PIAS3: variants seen among roughly 807,000 people sequenced by gnomAD.
The protein encoded by PIAS3 is E3 SUMO-protein ligase PIAS3.
Under a neutral mutation model 67.6 loss-of-function variants are expected in PIAS3, and 34 were observed. The ratio of observed to expected loss-of-function variants is 0.50; its 90% CI spans 0.38 to 0.67. The LOEUF is 0.67. Among genes scored for constraint, PIAS3 ranks in the 30% least tolerant of loss-of-function variants. PIAS3 has a pLI of 0.00. For synonymous variants in PIAS3, 341 were observed against 313.8 expected, an observed-to-expected ratio of 1.09 and a Z score of -0.92; for missense variants, 693 against 791.6, an observed-to-expected ratio of 0.88 and a Z score of 1.49.
chr1:145,853,652 G>A lies in PIAS3; in HGVS notation c.997C>T (p.Arg333Cys), dbSNP rs782740373. ...VSLMCPLGKM[R>C]LTVPCRALTC... ...AGGGCACGACAAGGGACAGTCAGGC[G>A]CATCTTCCCTAGCTGAGGAGAAGCA... The change falls in exon 9 of 14, where the codon CGC (arginine) becomes TGC (cysteine). Residue 333 changes from arginine to cysteine, a missense_variant. Around this residue, in one of 3 missense-constraint regions of PIAS3, gnomAD observed 115 missense variants for 181.8 expected, o/e 0.63. Coordinates refer to ENST00000393045, the MANE Select transcript of PIAS3 (RefSeq NM_006099.3). The A allele has an allele frequency of 6.8e-6, 11 of 1,613,688 alleles. No individual in the cohort carries two copies. The highest frequency in any genetic ancestry group is 2.2e-5 in the East Asian group (1 of 44,862).
Position 145,855,003 on chromosome 1 carries a change from C to T in PIAS3, c.670-123G>A. On this transcript the variant is annotated intron_variant, in intron 5 of 13. Coordinates refer to ENST00000393045, the MANE Select transcript of PIAS3 (RefSeq NM_006099.3). ...GAGGGAAGGCCAACTCGCTCACTCA[C>T]TGACCAAGGGGATGGAGGCCCATTC... The T allele has an allele frequency of 3.5e-6, 4 of 1,158,588 alleles. No homozygotes were observed. In the South Asian group the frequency reaches 5.5e-5, roughly 16 times the overall value. The allele number at this position is 1,158,588 out of a possible 1,614,324, so 71.8% of individuals were successfully genotyped here.
intron 1 of PIAS3, among the ~76,000 whole-genome samples, chr1:145,858,381 C>A (rs1371662890): frequency 2.0e-5 from 3 of 152,088 alleles, no homozygotes; most frequent in Admixed American, 1.3e-4. Context: ...CGATTCACTA[C>A]GGCAGGACCT....
chr1:145,854,922 G>A (rs1553735237), intron 5 of PIAS3, 42 bp from the exon 6 acceptor site: 1 of 1,609,740 alleles, frequency 6.2e-7, no homozygotes, highest in Non-Finnish European at 8.5e-7. Context: ...GTGGCTCTGG[G>A]AAGGGGCTCT....
rs1653083320 is a variant in PIAS3, at chr1:145,854,503, G to A, written c.865C>T (p.Leu289Phe). 1 of 1,614,060 alleles carries A rather than the reference G, an allele frequency of 6.2e-7. No individual in the cohort carries two copies. Among genetic ancestry groups the A allele is most frequent in the Admixed American group, 1.7e-5 (1 of 60,000 alleles). ...GGGTTCCGGATACCCTTTGCTCTGAGTTTTTGTAGAAGGGTTCCTGCAGTC... is the reference window on the plus strand; with the variant it reads ...GGGTTCCGGATACCCTTTGCTCTGAATTTTTGTAGAAGGGTTCCTGCAGTC... ...QLTAGTLLQK[L>F]RAKGIRNPDH... The change falls in exon 7 of 14, where the codon CTC becomes TTC. Residue 289 changes from leucine (L) to phenylalanine (F), a missense_variant. By Grantham distance (22) the Leu-to-Phe change is conservative. This residue lies in a region of PIAS3 where 115 missense variants were observed against 181.8 expected (regional missense o/e 0.63). Transcript: ENST00000393045.
rs587758690 is a variant in PIAS3, at chr1:145,855,782, G to A, written c.623C>T (p.Pro208Leu). 1 of 1,610,722 alleles carries A rather than the reference G, an allele frequency of 6.2e-7. No individual in the cohort carries two copies. Among genetic ancestry groups the A allele is most frequent in the South Asian group, 1.1e-5 (1 of 91,000 alleles). ...ETSCPQEDYF[P>L]PNLFVKVNGK... ...ATTGACCTTGACAAAGAGGTTGGGG[G>A]GAAAATAATCTTCCTGGGGGCAGCT... Residue 208 changes from proline (P) to leucine (L), a missense_variant, in exon 5 of 14, where the codon CCC becomes CTC. Pro to Leu is a moderately conservative substitution (Grantham distance 98). Transcript: ENST00000393045.
chr1:145,849,664 C>G lies in PIAS3; in HGVS notation c.1669G>C (p.Gly557Arg). The change falls in exon 14 of 14, where the codon GGC becomes CGC. Residue 557 changes from glycine (G) to arginine (R), a missense_variant. By Grantham distance (125) the Gly-to-Arg change is moderately radical. Transcript: ENST00000393045. ...ITSLDEQDAL[G>R]HFFQYRGTPS... ...GTCCCTCGGTACTGGAAGAAGTGGC[C>G]AAGGGCATCCTGTTCATCTAGTGAG... The G allele has an allele frequency of 6.2e-7, 1 of 1,612,284 alleles. No individual in the cohort carries two copies. Among genetic ancestry groups the G allele is most frequent in the Non-Finnish European group, 8.5e-7 (1 of 1,179,158 alleles).
At chr1:145,855,574 A>G (rs1653137685) in intron 5 of PIAS3, among the ~76,000 whole-genome samples, 162 bp downstream of exon 5, 2 of 152,162 alleles carry the variant, frequency 1.3e-5, no homozygotes, top group Admixed American at 6.5e-5. Flanking sequence ...GTTCAGCCCT[A>G]TCTTAATACT....
chr1:145,855,829 G>T lies in PIAS3; in HGVS notation c.579-3C>A. 1 of 1,556,364 alleles carries T rather than the reference G, an allele frequency of 6.4e-7. No homozygotes were observed. The highest frequency in any genetic ancestry group is 8.9e-7 in the Non-Finnish European group (1 of 1,127,260). ...AGCTGGTCTCACAGAGACAGAACCT[G>T]GTAAGAGATGAGAAAGGAAGAAAGA... is the stretch of plus-strand genomic sequence containing the variant. On this transcript the variant is annotated splice_polypyrimidine_tract_variant and splice_region_variant and intron_variant, in intron 4 of 13. Transcript: ENST00000393045.
At chr1:145,849,753 A>AC in intron 13 of PIAS3, 41 bp from the exon 14 acceptor site, 1 of 1,521,390 alleles carries the variant, frequency 6.6e-7, no homozygotes, top group Non-Finnish European at 8.8e-7. Context: ...CTCAATCCCG[A>AC]CTTCCCCACC....
chr1:145,858,077 A>C (rs1396324454), intron 1 of PIAS3, among the ~76,000 whole-genome samples: 2 of 152,100 alleles, frequency 1.3e-5, no homozygotes, highest in African/African-American at 4.8e-5. Flanking sequence ...ATGTCCTCAG[A>C]TGTGGTCACC....
rs781876869 is a variant in PIAS3, at chr1:145,858,952, G to A, written c.24+15C>T. On this transcript the variant is annotated intron_variant, in intron 1 of 13. Transcript: ENST00000393045. ...GGGCTGAGTCCAGATGGGGATGGGG[G>A]GAGGGGGCCGGTACCTTTAATTCGC... 6 of 1,523,874 alleles carry A rather than the reference G, an allele frequency of 3.9e-6. No homozygotes were observed. Among genetic ancestry groups the A allele is most frequent in the South Asian group, 1.2e-5 (1 of 81,272 alleles). 94.4% of individuals were successfully genotyped at this position (1,523,874 alleles called of 1,614,324 possible).
chr1:145,853,396 TA>T, intron 9 of PIAS3, 107 bp downstream of exon 9: 1 of 876,866 alleles, frequency 1.1e-6, no homozygotes, highest in Non-Finnish European at 1.7e-6. Flanking sequence ...GGGAACAGAG[TA>T]AGATTCCATC....
At chr1:145,856,185 GA>G in intron 3 of PIAS3, 67 bp from the exon 4 acceptor site, 1 of 1,397,124 alleles carries the variant, frequency 7.2e-7, no homozygotes, top group Non-Finnish European at 1.0e-6. Flanking sequence ...TGAATGCACA[GA>G]AAGGCTGAAA....
intron 11 of PIAS3, 26 bp downstream of exon 11, chr1:145,850,745 T>C (rs781874302): frequency 6.2e-7 from 1 of 1,613,176 alleles, no homozygotes; most frequent in Admixed American, 1.7e-5. Flanking sequence ...TCCGTTTTGC[T>C]GTAGACTCAG....
At chr1:145,857,779 C>A (rs1653251090) in intron 1 of PIAS3, among the ~76,000 whole-genome samples, 1 of 152,200 alleles carries the variant, frequency 6.6e-6, no homozygotes, top group African/African-American at 2.4e-5. Context: ...ACTCTATCTG[C>A]CAGGAACCAT....
Position 145,856,958 on chromosome 1 carries a change from A to G in PIAS3, c.73T>C (p.Phe25Leu), listed in dbSNP as rs782526442. 3 of 1,614,136 alleles carry G rather than the reference A, an allele frequency of 1.9e-6. No homozygotes were observed. The highest frequency in any genetic ancestry group is 2.2e-5 in the South Asian group (2 of 91,084). The change falls in exon 2 of 14, where the codon TTT becomes CTT. Residue 25 changes from phenylalanine (F) to leucine (L), a missense_variant. By Grantham distance (22) the Phe-to-Leu change is conservative. Transcript: ENST00000393045. ...RVSELQVLLG[F>L]AGRNKSGRKH... The stretch of plus-strand genomic sequence containing the variant: ...CGTCCACTCTTGTTCCGGCCAGCAA[A>G]GCCAAGAAGCACCTGGAGCTCAGAC...
In PIAS3 at chr1:145,853,560, T is replaced by C. The variant is rs10910827; in HGVS notation, c.1089A>G (p.Thr363=). 479 of 1,614,114 alleles carry C rather than the reference T, an allele frequency of 3.0e-4. 3 individuals carry two copies. In the East Asian group the frequency reaches 9.6e-3, roughly 32 times the overall value. Residue 363 remains threonine (T), a synonymous_variant, in exon 9 of 14, where the codon ACA becomes ACG. Transcript: ENST00000393045. ...TCTTGTCACACACAGGACATGTCCA[T>C]GTAGGCTTCTTCTCATTCATCTGTA... ...LYLQMNEKKP[T]WTCPVCDKKA...
At chr1:145,853,429 G>GAAAAAT in intron 9 of PIAS3, 75 bp downstream of exon 9, 1 of 1,124,810 alleles carries the variant, frequency 8.9e-7, no homozygotes, top group Non-Finnish European at 1.2e-6. Context: ...AAAAAGAAAA[G>GAAAAAT]AAAAAGAAAA....
At position 145,855,783 on chromosome 1, in the gene PIAS3, G is replaced by A; in HGVS notation, c.622C>T (p.Pro208Ser). The A allele has an allele frequency of 1.9e-6, 3 of 1,610,560 alleles. No homozygotes were observed. The highest frequency in any genetic ancestry group is 2.5e-6 in the Non-Finnish European group (3 of 1,176,854). ...TTGACCTTGACAAAGAGGTTGGGGG[G>A]AAAATAATCTTCCTGGGGGCAGCTG... ...ETSCPQEDYF[P>S]PNLFVKVNGK... is the part of the protein sequence containing the mutation. Residue 208 changes from proline (P) to serine (S), a missense_variant, in exon 5 of 14, where the codon CCC (proline) becomes TCC (serine). Pro to Ser is a moderately conservative substitution (Grantham distance 74, BLOSUM62 -1). This residue lies in a region of PIAS3 where 308 missense variants were observed against 348.8 expected (regional missense o/e 0.88). Transcript: ENST00000393045.
Sources: gnomAD v4.1 joint callset for allele counts (sites outside exome capture counted in the v4.1 genomes callset) on GRCh38, gnomAD v4.1.1 for gene constraint, gnomAD v4.1.1 regional missense constraint, MANE v1.5 for transcripts, NCBI Gene and HGNC (gene_info 2026-07-23, HGNC 2026-07-21) for gene names.